Variants in FUBP1 observed in about 807,000 individuals in gnomAD.
The protein encoded by FUBP1 is far upstream element-binding protein 1.
A neutral mutation model predicts 94.9 loss-of-function variants in FUBP1; 16 were observed. That is an observed-to-expected ratio of 0.17 (90% confidence interval 0.11 to 0.26). FUBP1 has a LOEUF of 0.26. Among genes scored for constraint, FUBP1 ranks in the 10% least tolerant of loss-of-function variants. FUBP1 has a pLI of 1.00. For missense variants in FUBP1, 583 were observed against 808.6 expected (o/e 0.72, Z 3.38); for synonymous variants, 279 against 254.9 (o/e 1.09, Z -0.90).
intron 1 of FUBP1, among the ~76,000 whole-genome samples, chr1:77,973,287 C>G (rs1657937772): frequency 6.6e-6 from 1 of 151,866 alleles, no homozygotes; most frequent in Admixed American, 6.6e-5. Context: ...AAGATGTTAC[C>G]CAGACTAGAG....
chr1:77,970,307 T>C (rs1304077276), intron 1 of FUBP1, among the ~76,000 whole-genome samples: 2 of 134,946 alleles, frequency 1.5e-5, no homozygotes, highest in Non-Finnish European at 3.0e-5. Flanking sequence ...ATCTGGATCC[T>C]ATCTGGCTCT....
rs772395155 is a variant in FUBP1 at position 77,955,345 on chromosome 1, C to T, written c.1706-16G>A. 5 of 1,519,776 alleles carry T rather than the reference C, an allele frequency of 3.3e-6. No homozygotes were observed. The highest frequency in any genetic ancestry group is 2.7e-5 in the African/African-American group (2 of 72,742). The allele number at this position is 1,519,776 out of a possible 1,614,324, so 94.1% of individuals were successfully genotyped here. ...TGCTGATCTCCTTGTTCAAGCAAAA[C>T]AAAACAAAAAACAGAATTAAAGTTT... is the stretch of plus-strand genomic sequence containing the variant. On this transcript the variant is annotated splice_polypyrimidine_tract_variant and intron_variant, in intron 17 of 19. Coordinates refer to ENST00000370768, the MANE Select transcript of FUBP1 (RefSeq NM_003902.5).
intron 1 of FUBP1, among the ~76,000 whole-genome samples, chr1:77,972,240 G>A (rs1657697221): frequency 6.6e-6 from 1 of 152,088 alleles, no homozygotes; most frequent in Non-Finnish European, 1.5e-5. Context: ...GGCACTAATA[G>A]TAGAAGGAAA....
Position 77,962,894 on chromosome 1 carries a change from C to G in FUBP1, c.1220G>C (p.Gly407Ala), listed in dbSNP as rs746419880. The G allele has an allele frequency of 6.2e-7, 1 of 1,613,134 alleles. No homozygotes were observed. Among genetic ancestry groups the G allele is most frequent in the African/African-American group, 1.3e-5 (1 of 75,010 alleles). ...ATTTCTCTGAAGTTCTATTCTTGCACCAGACTGCTGGCTTATGCTTTTTAT... is the reference window on the plus strand; with the variant it reads ...ATTTCTCTGAAGTTCTATTCTTGCAGCAGACTGCTGGCTTATGCTTTTTAT... ...ETIKSISQQS[G>A]ARIELQRNPP... Residue 407 changes from glycine (G) to alanine (A), a missense_variant, in exon 14 of 20, where the codon GGT becomes GCT. Physicochemically the swap from Gly to Ala is moderately conservative, Grantham distance 60. Transcript: ENST00000370768.
intron 1 of FUBP1, among the ~76,000 whole-genome samples, chr1:77,970,417 T>C (rs904349903): frequency 6.6e-6 from 1 of 152,218 alleles, no homozygotes; most frequent in Non-Finnish European, 1.5e-5. Flanking sequence ...TAGCCATATG[T>C]GGTTATTGAG....
At chr1:77,971,662 T>C (rs971106290) in intron 1 of FUBP1, among the ~76,000 whole-genome samples, 1 of 150,762 alleles carries the variant, frequency 6.6e-6, no homozygotes, top group Non-Finnish European at 1.5e-5. Context: ...TGCAAACACC[T>C]ACCACAAAGA....
intron 18 of FUBP1, among the ~76,000 whole-genome samples, chr1:77,951,798 G>C (rs1484696189): frequency 1.3e-5 from 2 of 152,132 alleles, no homozygotes. Context: ...CTAAGAGCCA[G>C]CCTTGCATGA....
In FUBP1 at chr1:77,978,871, C is replaced by T. The variant is rs769339490; in HGVS notation, c.120+14G>A. On this transcript the variant is annotated intron_variant, in intron 1 of 19. Transcript: ENST00000370768. ...CGTGAGCTTTCGGGATTCCGCCGCG[C>T]GGTCCACACTTACCTGCCGGGCTCT... The T allele has an allele frequency of 1.2e-6, 2 of 1,613,734 alleles. No individual in the cohort carries two copies. The highest frequency in any genetic ancestry group is 1.7e-6 in the Non-Finnish European group (2 of 1,179,964).
intron 4 of FUBP1, 134 bp from the exon 5 acceptor site, chr1:77,967,235 T>G (rs572362402): frequency 1.7e-6 from 1 of 584,810 alleles, no homozygotes; most frequent in East Asian, 2.8e-5. Context: ...CTCAGACTCA[T>G]GTCAAAAAAT....
At position 77,947,157 on chromosome 1, in the gene FUBP1, C is replaced by T. The variant is rs943703597; in HGVS notation, c.*1609G>A. 7 of 209,324 alleles carry T rather than the reference C, an allele frequency of 3.3e-5. No homozygotes were observed. The highest frequency in any genetic ancestry group is 1.6e-4 in the African/African-American group (7 of 43,724). 13.0% of individuals were successfully genotyped at this position (209,324 alleles called of 1,614,324 possible). On this transcript the variant is annotated 3_prime_UTR_variant, in exon 20 of 20. Coordinates refer to ENST00000370768, the MANE Select transcript of FUBP1 (RefSeq NM_003902.5). ...ATATAGAAGATATGCATATTTTACA[C>T]TGAAAAACAATATTTTAGGAGCACC...
intron 2 of FUBP1, among the ~76,000 whole-genome samples, chr1:77,968,421 T>C (rs541732242): frequency 6.6e-6 from 1 of 152,092 alleles, no homozygotes; most frequent in Non-Finnish European, 1.5e-5. Flanking sequence ...GACATTAAAA[T>C]AGTTATCTGA....
intron 16 of FUBP1, among the ~76,000 whole-genome samples, chr1:77,957,747 A>G (rs1028279637): frequency 6.6e-6 from 1 of 152,122 alleles, no homozygotes; most frequent in Non-Finnish European, 1.5e-5. Flanking sequence ...CACCTGCCAA[A>G]CTTTTCTCAA....
At chr1:77,977,697 C>T (rs763569445) in intron 1 of FUBP1, among the ~76,000 whole-genome samples, 47 of 152,286 alleles carry the variant, frequency 3.1e-4, no homozygotes, top group South Asian at 6.2e-4. Flanking sequence ...TAGTTATATG[C>T]TTGTTGCTAA....
intron 9 of FUBP1, 61 bp downstream of exon 9, chr1:77,964,809 C>T (rs1656171644): frequency 6.8e-7 from 1 of 1,475,802 alleles, no homozygotes; most frequent in Non-Finnish European, 9.5e-7. Flanking sequence ...ATTATTCATG[C>T]ATATTTTGCC....
intron 14 of FUBP1, among the ~76,000 whole-genome samples, chr1:77,962,010 G>T (rs950473328): frequency 1.3e-5 from 2 of 152,120 alleles, no homozygotes; most frequent in African/African-American, 4.8e-5. Context: ...TTCACAGCAT[G>T]GCAAACACCA....
chr1:77,976,629 G>A (rs1658650711), intron 1 of FUBP1, among the ~76,000 whole-genome samples: 1 of 152,078 alleles, frequency 6.6e-6, no homozygotes, highest in African/African-American at 2.4e-5. Context: ...AAGTAGCTAG[G>A]ACTACAGGCA....
In FUBP1 at chr1:77,960,223, C is replaced by T. The variant is rs2102345390; in HGVS notation, c.1537G>A (p.Ala513Thr). Residue 513 changes from alanine to threonine, a missense_variant, in exon 16 of 20, where the codon GCA becomes ACA. Coordinates refer to ENST00000370768, the MANE Select transcript of FUBP1 (RefSeq NM_003902.5). ...APYAPQGWGN[A>T]YPHWQQQAPP... ...GCCTGCTGCTGCCAGTGTGGATATG[C>T]ATTTCCCCATCCCTGGGGAGCATAT... The T allele has an allele frequency of 6.2e-7, 1 of 1,612,658 alleles. No homozygotes were observed. The highest frequency in any genetic ancestry group is 2.2e-5 in the East Asian group (1 of 44,866).
At chr1:77,952,980 A>T (rs1653780234) in intron 18 of FUBP1, among the ~76,000 whole-genome samples, 1 of 151,400 alleles carries the variant, frequency 6.6e-6, no homozygotes, top group Admixed American at 6.6e-5. Flanking sequence ...TCTACTAAAA[A>T]TACAAAAATT....
intron 16 of FUBP1, 142 bp downstream of exon 16, chr1:77,960,042 T>TA (rs1557436776): frequency 1.5e-6 from 1 of 649,410 alleles, no homozygotes; most frequent in Non-Finnish European, 2.7e-6. Flanking sequence ...TACACTGGGG[T>TA]AGAGGCAGTG....
Sources: allele counts gnomAD v4.1 joint callset (sites outside exome capture counted in the v4.1 genomes callset), GRCh38; gene constraint gnomAD v4.1.1; transcripts MANE v1.5; gene names NCBI Gene and HGNC (gene_info 2026-07-23, HGNC 2026-07-21).